The following ZFAT variants were observed in gnomAD, a reference collection of about 807,000 sequenced individuals.
ZFAT encodes zinc finger protein ZFAT.
A neutral mutation model predicts 117.7 loss-of-function variants in ZFAT; 64 were observed. The ratio of observed to expected loss-of-function variants is 0.54; its 90% CI spans 0.44 to 0.67. The LOEUF (loss-of-function observed/expected upper bound fraction) is 0.67, where lower values mean the gene tolerates loss of function less well. Ranked by LOEUF, ZFAT falls within the 30% of genes least tolerant of loss-of-function variation. The probability of loss-of-function intolerance (pLI) is 0.00; values close to 1 mark genes in which losing one functional copy is unlikely to be tolerated. For synonymous variants in ZFAT, 679 were observed against 615.0 expected, an observed-to-expected ratio of 1.10 and a Z score of -1.54; for missense variants, 1,433 against 1,584.5, an observed-to-expected ratio of 0.90 and a Z score of 1.62.
the ZFAT span, among the ~76,000 whole-genome samples, chr8:134,811,863 A>C: frequency 6.6e-6 from 1 of 152,230 alleles, no homozygotes; most frequent in Non-Finnish European, 1.5e-5. Flanking sequence ...GTTAAATGAC[A>C]ATTTAAAATA....
At chr8:134,695,350 C>T (rs142082488) in intron 1 of ZFAT, among the ~76,000 whole-genome samples, 1,666 of 152,314 alleles carry the variant, frequency 0.011, 31 homozygotes, top group African/African-American at 0.038. Context: ...GCAAGAGCCA[C>T]TCCCCGGCTG....
chr8:134,488,810 T>G (rs899783421), intron 15 of ZFAT, among the ~76,000 whole-genome samples: 2 of 152,076 alleles, frequency 1.3e-5, no homozygotes, highest in African/African-American at 4.8e-5. Context: ...GACACTGGTC[T>G]GTAACACTGT....
At chr8:134,789,246 C>T in the ZFAT span, among the ~76,000 whole-genome samples, 20 of 152,266 alleles carry the variant, frequency 1.3e-4, no homozygotes, top group East Asian at 3.3e-3. Context: ...ATTTACCTAC[C>T]TAATGCTAGA....
the ZFAT span, among the ~76,000 whole-genome samples, chr8:134,719,275 A>G: frequency 1.3e-5 from 2 of 152,204 alleles, no homozygotes. Context: ...AGTAGCTTTG[A>G]CTTTGGACAA....
chr8:134,718,021 A>G (rs1814231059), upstream of ZFAT, among the ~76,000 whole-genome samples: 1 of 152,168 alleles, frequency 6.6e-6, no homozygotes, highest in Non-Finnish European at 1.5e-5. Flanking sequence ...TACAAAGTTA[A>G]GGTATGGGTG....
chr8:134,653,183 T>C (rs1230718592), intron 2 of ZFAT, among the ~76,000 whole-genome samples: 1 of 142,808 alleles, frequency 7.0e-6, no homozygotes, highest in East Asian at 2.1e-4. Context: ...ATTATTATTA[T>C]AATACTTTAA....
At chr8:134,729,178 G>A in the ZFAT span, among the ~76,000 whole-genome samples, 2 of 152,146 alleles carry the variant, frequency 1.3e-5, no homozygotes, top group Non-Finnish European at 1.5e-5. Context: ...CACCATGCCC[G>A]ACCAGGATGA....
chr8:134,789,198 C>T, the ZFAT span, among the ~76,000 whole-genome samples: 1 of 152,144 alleles, frequency 6.6e-6, no homozygotes, highest in African/African-American at 2.4e-5. Flanking sequence ...TTACAACATG[C>T]ACCCTTGTCT....
At chr8:134,781,955 A>G in the ZFAT span, among the ~76,000 whole-genome samples, 494 of 152,348 alleles carry the variant, frequency 3.2e-3, 1 homozygote, top group African/African-American at 0.012. Flanking sequence ...ATTTGTTATC[A>G]GTAAGGCTTC....
chr8:134,817,277 T>TA, the ZFAT span, among the ~76,000 whole-genome samples: 5 of 152,068 alleles, frequency 3.3e-5, no homozygotes, highest in African/African-American at 1.2e-4. Context: ...CTCAAGACTG[T>TA]AAGAGAAATC....
the ZFAT span, among the ~76,000 whole-genome samples, chr8:134,771,159 C>T: frequency 1.3e-5 from 2 of 152,212 alleles, no homozygotes; most frequent in Non-Finnish European, 2.9e-5. Flanking sequence ...TAAAAACATG[C>T]TAGTTTTTGT....
At chr8:134,507,787 A>C (rs562032790) in intron 15 of ZFAT, among the ~76,000 whole-genome samples, 1 of 152,320 alleles carries the variant, frequency 6.6e-6, no homozygotes, top group South Asian at 2.1e-4. Flanking sequence ...CACAAGTCAC[A>C]ACCAGAAGCA....
chr8:134,532,976 C>A lies in ZFAT; in HGVS notation c.2977-4G>T, dbSNP rs201348292. 1 of 1,597,870 alleles carries A rather than the reference C, an allele frequency of 6.3e-7. No homozygotes were observed. The highest frequency in any genetic ancestry group is 8.5e-7 in the Non-Finnish European group (1 of 1,172,362). ...GGCAATGGGCACAGCGGAAAGGCTG[C>A]GGGGACAATGAGGAGGGGTTAGGAA... On this transcript the variant is annotated splice_region_variant and splice_polypyrimidine_tract_variant and intron_variant, in intron 11 of 15. Transcript: ENST00000377838.
chr8:134,666,057 TCCAGCAGTAATGAAGCTA>T (rs1832199869), intron 1 of ZFAT, among the ~76,000 whole-genome samples: 1 of 152,178 alleles, frequency 6.6e-6, no homozygotes, highest in African/African-American at 2.4e-5. Flanking sequence ...TTCACCAGCA[TCCAGCAGTAATGAAGCTA>T]TCACTGTCCA....
the ZFAT span, among the ~76,000 whole-genome samples, chr8:134,762,643 C>T: frequency 6.6e-6 from 1 of 152,318 alleles, no homozygotes; most frequent in East Asian, 1.9e-4. Context: ...TCTGTATCTT[C>T]ACTTACAACC....
chr8:134,817,926 A>G, the ZFAT span, among the ~76,000 whole-genome samples: 1 of 152,312 alleles, frequency 6.6e-6, no homozygotes, highest in East Asian at 1.9e-4. Context: ...CAATAGAAAA[A>G]GGATAAATTT....
intron 15 of ZFAT, among the ~76,000 whole-genome samples, chr8:134,497,084 T>C (rs1439324209): frequency 6.6e-6 from 1 of 152,120 alleles, no homozygotes; most frequent in Non-Finnish European, 1.5e-5. Context: ...ACGGGCGGGG[T>C]AGGTCTTCTT....
At chr8:134,695,054 G>A (rs901083479) in intron 1 of ZFAT, among the ~76,000 whole-genome samples, 7 of 152,168 alleles carry the variant, frequency 4.6e-5, no homozygotes, top group African/African-American at 7.2e-5. Flanking sequence ...GCAAACTGAT[G>A]GGCCTCAGGG....
At chr8:134,635,889 C>T (rs1374350414) in intron 3 of ZFAT, among the ~76,000 whole-genome samples, 7 of 152,262 alleles carry the variant, frequency 4.6e-5, no homozygotes, top group East Asian at 3.9e-4. Context: ...GACAGCACTC[C>T]GGGCCTACAG....
Sources: gnomAD v4.1 joint callset for allele counts (sites outside exome capture counted in the v4.1 genomes callset) on GRCh38, gnomAD v4.1.1 for gene constraint, MANE v1.5 for transcripts, NCBI Gene and HGNC (gene_info 2026-07-23, HGNC 2026-07-21) for gene names.